SH3BP2: variants seen among roughly 807,000 people sequenced by gnomAD.
SH3BP2 encodes the protein SH3 domain binding protein 2.
In SH3BP2, 38 loss-of-function variants were observed where a neutral mutation model predicts 56.2. The observed-to-expected ratio is 0.68, with a 90% CI of 0.52 to 0.89. SH3BP2 has a LOEUF of 0.89. Ranked by LOEUF, SH3BP2 falls within the 40% of genes least tolerant of loss-of-function variation. SH3BP2 has a pLI of 0.00. For synonymous variants in SH3BP2, 346 were observed against 316.7 expected, an observed-to-expected ratio of 1.09 and a Z score of -0.98; for missense variants, 748 against 762.6, an observed-to-expected ratio of 0.98 and a Z score of 0.23.
chr4:2,828,888 T>C (rs1002146151), intron 7 of SH3BP2, among the ~76,000 whole-genome samples: 1 of 152,080 alleles, frequency 6.6e-6, no homozygotes, highest in African/African-American at 2.4e-5. Context: ...GTCCTCTTTC[T>C]CCTCAGCTCC....
In SH3BP2 at chr4:2,831,506, G is replaced by A. The variant is rs1194142202; in HGVS notation, c.1242-65G>A. 6.5e-6 allele frequency: 8 copies of A among 1,238,614 alleles called. No individual in the cohort carries two copies. The Admixed American group carries it at 1.4e-4, about 21-fold the overall frequency. The allele number at this position is 1,238,614 out of a possible 1,614,324, so 76.7% of individuals were successfully genotyped here. A position where few individuals can be genotyped will look rare whatever the true frequency, so the allele number is the denominator to read the frequency against. ...CACAGAGGGTGGAGTGGGGAGGGGA[G>A]CAGAGGGTGGCCGCCCCGTGTCTGA... On this transcript the variant is annotated intron_variant, in intron 8 of 12. Transcript: ENST00000503393. The surrounding 1 kb of genome is among the most constrained non-coding windows in gnomAD (Gnocchi z 4.1).
chr4:2,830,214 G>T, intron 8 of SH3BP2, 67 bp downstream of exon 8: 1 of 1,450,442 alleles, frequency 6.9e-7, no homozygotes, highest in East Asian at 2.4e-5. Flanking sequence ...CCTCTGACGG[G>T]CACTCTGCCC....
intron 1 of SH3BP2, chr4:2,796,331 G>C (rs1723061028): frequency 1.2e-6 from 1 of 826,528 alleles, no homozygotes. Context: ...GCTCCCAGGA[G>C]GGGAGAAAGG....
In SH3BP2 at chr4:2,803,907, A is replaced by G. The variant is rs1265052843; in HGVS notation, c.-5+10769A>G. On this transcript the variant is annotated intron_variant, in intron 1 of 12. Coordinates refer to ENST00000503393, the MANE Select transcript of SH3BP2 (RefSeq NM_001122681.2). ...TCCCTAACAGATTGGGAGCCCAGAC[A>G]GAGGGTGACAGTAGCTTGGATCCCG... 2.6e-5 allele frequency among the ~76,000 whole-genome samples: 4 copies of G among 152,156 alleles called. No individual in the cohort carries two copies. In the East Asian group the frequency reaches 5.8e-4, roughly 22 times the overall value.
Position 2,838,970 on chromosome 4 carries a change from C to G in SH3BP2, c.*5136C>G, listed in dbSNP as rs1725327268. The G allele has an allele frequency of 6.6e-6, 1 of 152,086 alleles. No homozygotes were observed. Among genetic ancestry groups the G allele is most frequent in the South Asian group, 2.1e-4 (1 of 4,824 alleles). The allele number at this position is 152,086 out of a possible 1,614,324, so 9.4% of individuals were successfully genotyped here. A position where few individuals can be genotyped will look rare whatever the true frequency, so the allele number is the denominator to read the frequency against. On this transcript the variant is annotated 3_prime_UTR_variant, in exon 13 of 13. Coordinates refer to ENST00000503393, the MANE Select transcript of SH3BP2 (RefSeq NM_001122681.2). ...TGCCCACCAGCAGTAAAACAGAATTCCCTTGCCTTCCCATCCTTGGCAGAC... is the reference window on the plus strand; with the variant it reads ...TGCCCACCAGCAGTAAAACAGAATTGCCTTGCCTTCCCATCCTTGGCAGAC...
intron 1 of SH3BP2, chr4:2,793,757 T>G (rs534559844): frequency 3.3e-5 from 5 of 152,104 alleles, no homozygotes; most frequent in Admixed American, 1.3e-4. Flanking sequence ...CACACTGAAG[T>G]GTGAGTGACT....
At chr4:2,802,454 G>A (rs1436642037) in intron 1 of SH3BP2, among the ~76,000 whole-genome samples, 3 of 141,180 alleles carry the variant, frequency 2.1e-5, no homozygotes. Context: ...ATGTATATAT[G>A]TGTGTGTATA....
chr4:2,815,223 C>T (rs1723943715), intron 1 of SH3BP2, among the ~76,000 whole-genome samples: 1 of 152,212 alleles, frequency 6.6e-6, no homozygotes, highest in Admixed American at 6.5e-5. Context: ...CCAGGTATCA[C>T]CCCCTGGCAC....
rs1725193209 is a variant in SH3BP2, at chr4:2,835,297, G to C, written c.*1463G>C. The C allele has an allele frequency of 6.6e-6, 1 of 152,286 alleles. No homozygotes were observed. Among genetic ancestry groups the C allele is most frequent in the Non-Finnish European group, 1.5e-5 (1 of 68,138 alleles). The allele number at this position is 152,286 out of a possible 1,614,324, so 9.4% of individuals were successfully genotyped here. A position where few individuals can be genotyped will look rare whatever the true frequency, so the allele number is the denominator to read the frequency against. ...AAACAAGTGATGAGGCTGGTTAGCG[G>C]ATGTGGGAGGCTGTGACCCCAGGGG... On this transcript the variant is annotated 3_prime_UTR_variant, in exon 13 of 13. Transcript: ENST00000503393.
Position 2,831,625 on chromosome 4 carries a change from G to A in SH3BP2, c.1296G>A (p.Arg432=), listed in dbSNP as rs746328424. ...GGAGCTTCTCCTTTGAAAAGCCCCG[G>A]CAACCCTCACAGGCTGACACTGGCG... ...SFRSFSFEKP[R]QPSQADTGGD... Residue 432 remains arginine, a synonymous_variant, in exon 9 of 13, where the codon CGG becomes CGA. Coordinates refer to ENST00000503393, the MANE Select transcript of SH3BP2 (RefSeq NM_001122681.2). This position sits in a 1 kb window ranked among gnomAD's most constrained non-coding sequence, Gnocchi z 4.1. The A allele has an allele frequency of 2.7e-5, 44 of 1,606,454 alleles. No homozygotes were observed. The highest frequency in any genetic ancestry group is 3.6e-5 in the Non-Finnish European group (42 of 1,176,336).
chr4:2,809,717 A>C, intron 1 of SH3BP2: 1 of 878,882 alleles, frequency 1.1e-6, no homozygotes, highest in Non-Finnish European at 1.4e-6. Context: ...TGTTTGCCTT[A>C]CTCCTGAGCG....
chr4:2,795,784 G>A (rs1028951774), intron 1 of SH3BP2, among the ~76,000 whole-genome samples: 1 of 152,210 alleles, frequency 6.6e-6, no homozygotes, highest in Admixed American at 6.5e-5. Context: ...GCCAGGTGTG[G>A]TGAGGGTATG....
intron 1 of SH3BP2, among the ~76,000 whole-genome samples, chr4:2,805,622 G>A (rs538932479): frequency 1.3e-5 from 2 of 152,332 alleles, no homozygotes; most frequent in East Asian, 1.9e-4. Context: ...CAGAACTGGT[G>A]TCAGGGGAGG....
chr4:2,818,506 C>T, intron 1 of SH3BP2: 1 of 572,322 alleles, frequency 1.7e-6, no homozygotes. Context: ...CTGCTGGTCG[C>T]CCACGCGCTT....
chr4:2,822,196 C>A (rs545332753), intron 2 of SH3BP2, among the ~76,000 whole-genome samples: 3 of 55,608 alleles, frequency 5.4e-5, no homozygotes, highest in African/African-American at 8.0e-5. Context: ...ACTCTGTCAC[C>A]CAGACTGCAG....
At chr4:2,816,368 T>C (rs1406480657) in intron 1 of SH3BP2, among the ~76,000 whole-genome samples, 3 of 152,258 alleles carry the variant, frequency 2.0e-5, no homozygotes, top group Admixed American at 2.0e-4. Context: ...GTGGATTCCT[T>C]GGGATTTTCT....
intron 6 of SH3BP2, 88 bp downstream of exon 6, chr4:2,827,406 G>T: frequency 1.5e-6 from 2 of 1,349,664 alleles, no homozygotes; most frequent in Admixed American, 3.4e-5. Flanking sequence ...AGGTGTGTTC[G>T]GCTGTGCTCC....
intron 2 of SH3BP2, 89 bp downstream of exon 2, chr4:2,820,842 T>C: frequency 1.4e-6 from 2 of 1,401,290 alleles, no homozygotes; most frequent in Non-Finnish European, 1.9e-6. Flanking sequence ...AGCCTCTGCT[T>C]CCTCACATGG....
rs150716030 is a variant in SH3BP2 at position 2,832,406 on chromosome 4, G to A, written c.1482G>A (p.Ser494=). 49 of 1,613,766 alleles carry A rather than the reference G, an allele frequency of 3.0e-5. No individual in the cohort carries two copies. The highest frequency in any genetic ancestry group is 1.1e-4 in the East Asian group (5 of 44,878). Residue 494 remains serine (S), a synonymous_variant, in exon 11 of 13, where the codon TCG becomes TCA. Coordinates refer to ENST00000503393, the MANE Select transcript of SH3BP2 (RefSeq NM_001122681.2). ...GCATCCGGAACTCCTCTACCAAGTC[G>A]GGGAAGGTAGGCGCCAGGGGAAGAT... is the stretch of plus-strand genomic sequence containing the variant. ...LYCIRNSSTK[S]GKVLVVWDET...
Sources: gnomAD v4.1 joint callset for allele counts (sites outside exome capture counted in the v4.1 genomes callset) on GRCh38, gnomAD v4.1.1 for gene constraint, Gnocchi (gnomAD v3.1) non-coding constraint, MANE v1.5 for transcripts, NCBI Gene and HGNC (gene_info 2026-07-23, HGNC 2026-07-21) for gene names.